SAMD4A: variants seen among roughly 807,000 people sequenced by gnomAD.
SAMD4A encodes the protein sterile alpha motif domain containing 4A.
A neutral mutation model predicts 81.3 loss-of-function variants in SAMD4A; 33 were observed. The observed-to-expected ratio is 0.41, with a 90% confidence interval of 0.31 to 0.54. The LOEUF (loss-of-function observed/expected upper bound fraction) is 0.54, where lower values mean the gene tolerates loss of function less well. SAMD4A is among the 20% of genes least tolerant of loss of function. The probability of loss-of-function intolerance (pLI) is 0.37; values close to 1 mark genes in which losing one functional copy is unlikely to be tolerated. For missense variants in SAMD4A, 854 were observed against 951.1 expected (o/e 0.90, Z 1.34); for synonymous variants, 389 against 382.1 (o/e 1.02, Z -0.21).
At chr14:54,717,884 G>GTTT (rs59380334) in intron 3 of SAMD4A, among the ~76,000 whole-genome samples, 91 of 131,212 alleles carry the variant, frequency 6.9e-4, no homozygotes, top group Middle Eastern at 7.8e-3. Context: ...TTGCTTGAAG[G>GTTT]TTTTTTTTTT....
At chr14:54,602,064 A>G (rs1386505526) in intron 2 of SAMD4A, among the ~76,000 whole-genome samples, 1 of 152,128 alleles carries the variant, frequency 6.6e-6, no homozygotes, top group African/African-American at 2.4e-5. Context: ...CTGGTACCAG[A>G]GACTTCTTTT....
intron 2 of SAMD4A, among the ~76,000 whole-genome samples, chr14:54,643,740 G>C (rs1379047130): frequency 6.6e-6 from 1 of 152,306 alleles, no homozygotes; most frequent in South Asian, 2.1e-4. Context: ...TGCCTTCAAA[G>C]AATGTTTTTG....
intron 2 of SAMD4A, among the ~76,000 whole-genome samples, chr14:54,615,393 G>A (rs144818615): frequency 1.1e-4 from 17 of 152,120 alleles, no homozygotes; most frequent in African/African-American, 3.4e-4. Context: ...CATGAACCAC[G>A]TCTCTTGGTC....
intron 2 of SAMD4A, among the ~76,000 whole-genome samples, chr14:54,568,742 A>G (rs775661976): frequency 2.9e-5 from 3 of 104,504 alleles, no homozygotes; most frequent in Admixed American, 2.3e-4. Context: ...TATATATATA[A>G]TGCGGTTAAG....
intron 2 of SAMD4A, among the ~76,000 whole-genome samples, chr14:54,672,153 G>A (rs532610674): frequency 6.6e-6 from 1 of 151,626 alleles, no homozygotes; most frequent in East Asian, 1.9e-4. Context: ...TGGAACCCCT[G>A]GGTTCAAGCG....
intron 3 of SAMD4A, among the ~76,000 whole-genome samples, chr14:54,709,415 C>T (rs79991254): frequency 1.1e-4 from 17 of 151,728 alleles, no homozygotes; most frequent in Middle Eastern, 3.4e-3. Flanking sequence ...TGAGAATCTA[C>T]GTATTTTCAT....
intron 7 of SAMD4A, among the ~76,000 whole-genome samples, chr14:54,763,218 A>G (rs1161531110): frequency 3.5e-5 from 2 of 57,856 alleles, no homozygotes; most frequent in African/African-American, 1.9e-4. Context: ...TGGTGGGTTT[A>G]AAAAAAAATA....
intron 2 of SAMD4A, among the ~76,000 whole-genome samples, chr14:54,692,664 G>A (rs755150389): frequency 1.3e-5 from 2 of 152,090 alleles, no homozygotes; most frequent in African/African-American, 2.4e-5. Flanking sequence ...GTGTGAGGGC[G>A]GCGCTGAAGA....
Position 54,567,857 on chromosome 14 carries a change from G to A in SAMD4A, c.-60G>A, listed in dbSNP as rs1050347776. On this transcript the variant is annotated 5_prime_UTR_variant, in exon 2 of 13. Coordinates refer to ENST00000554335, the MANE Select transcript of SAMD4A (RefSeq NM_015589.6). ...GGCTGCGGCTCCGCCAAACTTTGGG[G>A]CGGGCGGGGCGGGCTGGGGCGCCCA... is the stretch of plus-strand genomic sequence containing the variant. The A allele has an allele frequency of 7.8e-6, 12 of 1,541,400 alleles. No individual in the cohort carries two copies. The African/African-American group carries it at 1.7e-4, about 22-fold the overall frequency.
intron 8 of SAMD4A, among the ~76,000 whole-genome samples, chr14:54,767,018 GCCC>G (rs2038564259): frequency 6.6e-6 from 1 of 152,190 alleles, no homozygotes; most frequent in East Asian, 1.9e-4. Context: ...GTGGCTGGGG[GCCC>G]CGGTCAGGAA....
chr14:54,641,539 T>G (rs2035174243), intron 2 of SAMD4A, among the ~76,000 whole-genome samples: 1 of 152,248 alleles, frequency 6.6e-6, no homozygotes, highest in African/African-American at 2.4e-5. Context: ...AAAGCAGTAT[T>G]AAAAATCTTG....
At chr14:54,657,250 C>G (rs1594778387) in intron 2 of SAMD4A, among the ~76,000 whole-genome samples, 1 of 152,308 alleles carries the variant, frequency 6.6e-6, no homozygotes, top group African/African-American at 2.4e-5. Flanking sequence ...TACCACCTAT[C>G]TGTGACATAA....
Position 54,770,132 on chromosome 14 carries a change from T to C in SAMD4A, c.1625T>C (p.Leu542Ser). 1 of 1,614,104 alleles carries C rather than the reference T, an allele frequency of 6.2e-7. No homozygotes were observed. The highest frequency in any genetic ancestry group is 8.5e-7 in the Non-Finnish European group (1 of 1,179,940). The part of the protein sequence containing the change: ...EAFTETQKKR[L>S]LSWKQQVQKL... ...TTTACAGAGACACAGAAAAAAAGAT[T>C]GTTGTCATGGAAACAGCAGGTGCAG... is the stretch of plus-strand genomic sequence containing the variant. Residue 542 changes from leucine (L) to serine (S), a missense_variant, in exon 9 of 13, where the codon TTG becomes TCG. By Grantham distance (145) the Leu-to-Ser change is moderately radical (BLOSUM62 -2). Transcript: ENST00000554335.
intron 6 of SAMD4A, chr14:54,754,780 A>C (rs534464401): frequency 1.0e-6 from 1 of 975,286 alleles, no homozygotes. Flanking sequence ...GCCCATAGTT[A>C]GTTCATAATC....
intron 2 of SAMD4A, among the ~76,000 whole-genome samples, chr14:54,684,615 C>CG (rs1566582967): frequency 4.3e-5 from 3 of 69,240 alleles, no homozygotes; most frequent in African/African-American, 1.0e-4. Context: ...CACCCCCGCC[C>CG]CCCCCCCCAA....
intron 2 of SAMD4A, among the ~76,000 whole-genome samples, chr14:54,630,680 A>T (rs2034873541): frequency 6.6e-6 from 1 of 152,036 alleles, no homozygotes; most frequent in Non-Finnish European, 1.5e-5. Flanking sequence ...GGGATATTGT[A>T]TTCTCATTAT....
intron 2 of SAMD4A, among the ~76,000 whole-genome samples, chr14:54,626,724 G>C (rs1166714557): frequency 6.6e-6 from 1 of 152,032 alleles, no homozygotes; most frequent in African/African-American, 2.4e-5. Context: ...ATACAAGCAG[G>C]AGAACAGCAA....
At chr14:54,687,223 C>A (rs2036295746) in intron 2 of SAMD4A, 8 of 390,464 alleles carry the variant, frequency 2.0e-5, no homozygotes, top group South Asian at 1.5e-4. Flanking sequence ...CTCTTAATGT[C>A]ATCTTGCAAA....
At chr14:54,702,889 A>G (rs762508062) in intron 3 of SAMD4A, 10 of 320,022 alleles carry the variant, frequency 3.1e-5, no homozygotes, top group Non-Finnish European at 4.7e-5. Flanking sequence ...CATTTCACCC[A>G]TGTCTTTCAC....
Sources: allele counts gnomAD v4.1 joint callset (sites outside exome capture counted in the v4.1 genomes callset), GRCh38; gene constraint gnomAD v4.1.1; transcripts MANE v1.5; gene names NCBI Gene and HGNC (gene_info 2026-07-23, HGNC 2026-07-21).